The following FBXL7 variants were observed in gnomAD, a reference collection of about 807,000 sequenced individuals.
FBXL7 encodes F-box/LRR-repeat protein 7.
FBXL7 carries 12 observed loss-of-function variants against 38.3 expected under a neutral mutation model. That is an observed-to-expected ratio of 0.31 (90% confidence interval 0.20 to 0.51). The LOEUF is 0.51. Ranked by LOEUF, FBXL7 falls within the 20% of genes least tolerant of loss-of-function variation. FBXL7 has a pLI of 0.98. For missense variants in FBXL7, 567 were observed against 676.4 expected, an observed-to-expected ratio of 0.84 and a Z score of 1.79; for synonymous variants, 297 against 300.9, an observed-to-expected ratio of 0.99 and a Z score of 0.13.
intron 2 of FBXL7, among the ~76,000 whole-genome samples, chr5:15,693,309 CT>C (rs1236936191): frequency 6.6e-6 from 1 of 152,198 alleles, no homozygotes; most frequent in Non-Finnish European, 1.5e-5. Flanking sequence ...CCAAAGCCCT[CT>C]GGACACTGCC....
chr5:15,736,293 A>C (rs1248104041), intron 2 of FBXL7, among the ~76,000 whole-genome samples: 1 of 152,222 alleles, frequency 6.6e-6, no homozygotes, highest in African/African-American at 2.4e-5. Context: ...AAATATTTAA[A>C]CAGCAATCAT....
At chr5:15,518,425 G>A (rs1035351696) in intron 1 of FBXL7, among the ~76,000 whole-genome samples, 5 of 152,118 alleles carry the variant, frequency 3.3e-5, no homozygotes, top group Admixed American at 6.6e-5. Context: ...GATGCTATTC[G>A]TGAGCCCTCT....
intron 2 of FBXL7, among the ~76,000 whole-genome samples, chr5:15,621,076 T>C (rs1740625547): frequency 6.6e-6 from 1 of 152,218 alleles, no homozygotes; most frequent in Admixed American, 6.5e-5. Flanking sequence ...TTTTAATTCA[T>C]GAGAGAATGG....
intron 2 of FBXL7, among the ~76,000 whole-genome samples, chr5:15,654,810 A>T (rs1311430606): frequency 1.3e-5 from 2 of 152,178 alleles, no homozygotes; most frequent in African/African-American, 2.4e-5. Flanking sequence ...TTAGATTTTT[A>T]AAAAATTCAT....
At chr5:15,759,895 G>A (rs975730888) in intron 2 of FBXL7, among the ~76,000 whole-genome samples, 41 of 152,088 alleles carry the variant, frequency 2.7e-4, no homozygotes, top group African/African-American at 9.4e-4. Flanking sequence ...ATTTCAGAAC[G>A]ATATAGTACC....
At chr5:15,835,785 G>T (rs1738577917) in intron 2 of FBXL7, among the ~76,000 whole-genome samples, 1 of 152,140 alleles carries the variant, frequency 6.6e-6, no homozygotes, top group Non-Finnish European at 1.5e-5. Flanking sequence ...TCATCTTCAT[G>T]TGCTTTTGCT....
In FBXL7 at chr5:15,810,177, T is replaced by G. The variant is rs1036229310; in HGVS notation, c.128-117713T>G. On this transcript the variant is annotated intron_variant, in intron 2 of 3. Transcript: ENST00000504595. ...ATTGAAGTCTATTTCTTATTTTTATTTTTTTCTAGTTCTTTCTCACCACAA... is the reference window on the plus strand; with the variant it reads ...ATTGAAGTCTATTTCTTATTTTTATGTTTTTCTAGTTCTTTCTCACCACAA... Among the ~76,000 whole-genome samples, 4 of 152,318 alleles carry G rather than the reference T, an allele frequency of 2.6e-5. No homozygotes were observed. In the South Asian group the frequency reaches 8.3e-4, roughly 32 times the overall value.
In FBXL7 at chr5:15,577,302, A is replaced by G. The variant is rs939340111; in HGVS notation, c.38-38681A>G. Among the ~76,000 whole-genome samples, 7 of 152,050 alleles carry G rather than the reference A, an allele frequency of 4.6e-5. 1 individual carries two copies. Among genetic ancestry groups the G allele is most frequent in the Admixed American group, 3.3e-4 (5 of 15,262 alleles). ...ACACCATGGTATCTGGGTTCTTCAGAGATTGGCCTCTATTGTCCCCAGGGG... is the reference window on the plus strand; with the variant it reads ...ACACCATGGTATCTGGGTTCTTCAGGGATTGGCCTCTATTGTCCCCAGGGG... On this transcript the variant is annotated intron_variant, in intron 1 of 3. Coordinates refer to ENST00000504595, the MANE Select transcript of FBXL7 (RefSeq NM_012304.5).
chr5:15,518,910 T>C (rs921191830), intron 1 of FBXL7, among the ~76,000 whole-genome samples: 2 of 152,146 alleles, frequency 1.3e-5, no homozygotes, highest in Non-Finnish European at 2.9e-5. Context: ...TCAGCGCTTG[T>C]TTGGCCCGCC....
rs565813414 is a variant in FBXL7, at chr5:15,533,014, T to C, written c.37+32301T>C. ...AGGAGATGCAGGGAGAGGATCAAGATTTGGGGAAGGCTAATGTGTTACAGA... is the reference window on the plus strand; with the variant it reads ...AGGAGATGCAGGGAGAGGATCAAGACTTGGGGAAGGCTAATGTGTTACAGA... On this transcript the variant is annotated intron_variant, in intron 1 of 3. Coordinates refer to ENST00000504595, the MANE Select transcript of FBXL7 (RefSeq NM_012304.5). 2.2e-4 allele frequency among the ~76,000 whole-genome samples: 34 copies of C among 152,198 alleles called. 2 individuals carry two copies. In the South Asian group the frequency reaches 6.4e-3, roughly 29 times the overall value.
At chr5:15,779,507 G>T (rs1196078982) in intron 2 of FBXL7, among the ~76,000 whole-genome samples, 1 of 151,922 alleles carries the variant, frequency 6.6e-6, no homozygotes, top group Non-Finnish European at 1.5e-5. Flanking sequence ...ATCAAAAAAA[G>T]AAATGGAAAA....
At chr5:15,864,999 C>T (rs1739642996) in intron 2 of FBXL7, among the ~76,000 whole-genome samples, 2 of 152,166 alleles carry the variant, frequency 1.3e-5, no homozygotes. Flanking sequence ...AACTGATTCT[C>T]CCTCCAAGAC....
At position 15,928,624 on chromosome 5, in the gene FBXL7, G is replaced by A; in HGVS notation, c.739+123G>A. 7.7e-7 allele frequency: 1 copy of A among 1,298,656 alleles called. No individual in the cohort carries two copies. The highest frequency in any genetic ancestry group is 1.0e-6 in the Non-Finnish European group (1 of 952,700). 80.4% of individuals were successfully genotyped at this position (1,298,656 alleles called of 1,614,324 possible). A position where few individuals can be genotyped will look rare whatever the true frequency, so the allele number is the denominator to read the frequency against. The stretch of plus-strand genomic sequence containing the variant: ...CCATCAGAGATGGGGGCGGGTGGTA[G>A]GGAGGCTGGCTTTTGCAGAGAAACT... On this transcript the variant is annotated intron_variant, in intron 3 of 3. Coordinates refer to ENST00000504595, the MANE Select transcript of FBXL7 (RefSeq NM_012304.5). The surrounding 1 kb of genome is among the most constrained non-coding windows in gnomAD (Gnocchi z 4.0).
intron 2 of FBXL7, among the ~76,000 whole-genome samples, chr5:15,726,752 T>C (rs906863888): frequency 1.3e-5 from 2 of 151,772 alleles, no homozygotes; most frequent in Non-Finnish European, 2.9e-5. Flanking sequence ...GTGGATAGCA[T>C]GTAGTTGGAT....
chr5:15,678,629 G>A (rs988446178), intron 2 of FBXL7, among the ~76,000 whole-genome samples: 20 of 152,126 alleles, frequency 1.3e-4, no homozygotes, highest in African/African-American at 4.6e-4. Flanking sequence ...GTTGTAGGAG[G>A]GACTTGGTGG....
rs1213614354 is a variant in FBXL7, at chr5:15,625,274, AT to A, written c.127+9205del. Reference sequence around the variant, plus strand: ...GGCAGTCAGACTTAGTAAAATTAATATTTAAGTTAGTCATTATATAGGATCT... The same window carrying A: ...GGCAGTCAGACTTAGTAAAATTAATATTAAGTTAGTCATTATATAGGATCT... On this transcript the variant is annotated intron_variant, in intron 2 of 3. Coordinates refer to ENST00000504595, the MANE Select transcript of FBXL7 (RefSeq NM_012304.5). 2.6e-5 allele frequency among the ~76,000 whole-genome samples: 4 copies of A among 152,184 alleles called. No homozygotes were observed. In the East Asian group the frequency reaches 7.7e-4, roughly 29 times the overall value.
intron 1 of FBXL7, among the ~76,000 whole-genome samples, chr5:15,569,039 G>C (rs145086447): frequency 0.54 from 82,102 of 151,942 alleles, 23,172 homozygotes; most frequent in African/African-American, 0.7. Flanking sequence ...CTCCAGCTTT[G>C]TTCTTTTGGC....
At chr5:15,868,028 C>T (rs1048181203) in intron 2 of FBXL7, among the ~76,000 whole-genome samples, 15 of 148,916 alleles carry the variant, frequency 1.0e-4, no homozygotes, top group African/African-American at 3.5e-4. Flanking sequence ...CACTTGAACC[C>T]GGGAGGCGGA....
Position 15,776,098 on chromosome 5 carries a change from T to A in FBXL7, c.128-151792T>A, listed in dbSNP as rs912556129. On this transcript the variant is annotated intron_variant, in intron 2 of 3. Coordinates refer to ENST00000504595, the MANE Select transcript of FBXL7 (RefSeq NM_012304.5). ...TTAAAAATAATAGTGATAATAATAA[T>A]ATAACTAGGCAGTAAATAAATAAAA... 6.6e-5 allele frequency among the ~76,000 whole-genome samples: 10 copies of A among 152,190 alleles called. No individual in the cohort carries two copies. The East Asian group carries it at 1.9e-3, about 29-fold the overall frequency.
Sources: gnomAD v4.1 joint callset for allele counts (sites outside exome capture counted in the v4.1 genomes callset) on GRCh38, gnomAD v4.1.1 for gene constraint, Gnocchi (gnomAD v3.1) non-coding constraint, MANE v1.5 for transcripts, NCBI Gene and HGNC (gene_info 2026-07-23, HGNC 2026-07-21) for gene names.